EPHA6: variants seen among roughly 807,000 people sequenced by gnomAD.
The protein encoded by EPHA6 is EPH receptor A6.
In EPHA6, 50 loss-of-function variants were observed where a neutral mutation model predicts 112.0. The observed-to-expected ratio is 0.45, with a 90% CI of 0.36 to 0.56. EPHA6 has a LOEUF of 0.56. Among genes scored for constraint, EPHA6 ranks in the 20% least tolerant of loss-of-function variants. The pLI, the probability that EPHA6 is intolerant of heterozygous loss-of-function variation, is 0.00. For missense variants in EPHA6, 1,280 were observed against 1,417.4 expected, an observed-to-expected ratio of 0.90 and a Z score of 1.56; for synonymous variants, 529 against 490.7, an observed-to-expected ratio of 1.08 and a Z score of -1.03.
intron 15 of EPHA6, among the ~76,000 whole-genome samples, chr3:97,732,143 T>C (rs2035063995): frequency 6.6e-6 from 1 of 151,860 alleles, no homozygotes; most frequent in African/African-American, 2.4e-5. Context: ...GCCAAATCAT[T>C]CGTGATCTCA....
At chr3:97,021,714 C>T (rs1052291449) in intron 3 of EPHA6, among the ~76,000 whole-genome samples, 6 of 152,178 alleles carry the variant, frequency 3.9e-5, no homozygotes, top group East Asian at 1.9e-4. Context: ...GACAACAATC[C>T]TATTGGTTTC....
intron 2 of EPHA6, among the ~76,000 whole-genome samples, chr3:96,947,273 G>A (rs533888483): frequency 6.6e-6 from 1 of 152,226 alleles, no homozygotes; most frequent in Non-Finnish European, 1.5e-5. Context: ...TGTCTTGAAT[G>A]GTATTGCCTA....
At chr3:96,894,550 G>C (rs1339916721) in intron 2 of EPHA6, among the ~76,000 whole-genome samples, 1 of 152,000 alleles carries the variant, frequency 6.6e-6, no homozygotes, top group Non-Finnish European at 1.5e-5. Flanking sequence ...CTGGAAGGAT[G>C]ACTGCATGAA....
chr3:97,498,469 C>T (rs1273604483), intron 10 of EPHA6, among the ~76,000 whole-genome samples: 1 of 151,976 alleles, frequency 6.6e-6, no homozygotes, highest in Non-Finnish European at 1.5e-5. Context: ...GGGCCATTAC[C>T]TGACTAAGGA....
intron 3 of EPHA6, among the ~76,000 whole-genome samples, chr3:97,123,342 T>A (rs1194714198): frequency 6.6e-6 from 1 of 152,154 alleles, no homozygotes; most frequent in Non-Finnish European, 1.5e-5. Flanking sequence ...GCCTTTTTTG[T>A]TCATTGTATA....
intron 10 of EPHA6, among the ~76,000 whole-genome samples, chr3:97,521,956 C>T (rs1021997864): frequency 1.3e-5 from 2 of 150,512 alleles, no homozygotes; most frequent in African/African-American, 4.9e-5. Context: ...CAAGGTTTTG[C>T]TCTGTTCCCT....
At chr3:97,005,414 G>A (rs112449918) in intron 3 of EPHA6, among the ~76,000 whole-genome samples, 8,340 of 152,102 alleles carry the variant, frequency 0.055, 282 homozygotes, top group Middle Eastern at 0.12. Context: ...TTGACTCTCC[G>A]CTTGCCTATT....
chr3:97,685,775 G>A (rs1039883298), intron 14 of EPHA6, among the ~76,000 whole-genome samples: 6 of 152,138 alleles, frequency 3.9e-5, no homozygotes, highest in African/African-American at 9.7e-5. Context: ...AACGGCGAAC[G>A]ATGATTACTA....
At chr3:97,072,074 C>T (rs932690251) in intron 3 of EPHA6, among the ~76,000 whole-genome samples, 3 of 151,996 alleles carry the variant, frequency 2.0e-5, no homozygotes, top group African/African-American at 7.2e-5. Flanking sequence ...AGTCATTATA[C>T]AAAAAAGATA....
chr3:97,414,551 A>G (rs1413192751), intron 6 of EPHA6, among the ~76,000 whole-genome samples: 1 of 152,064 alleles, frequency 6.6e-6, no homozygotes, highest in East Asian at 1.9e-4. Flanking sequence ...ATGTATAGTA[A>G]GCTGCTTCAT....
chr3:97,695,514 G>C (rs79985613), intron 14 of EPHA6, among the ~76,000 whole-genome samples: 1 of 152,096 alleles, frequency 6.6e-6, no homozygotes, highest in African/African-American at 2.4e-5. Flanking sequence ...TAAGACCACC[G>C]GTTATGCTAT....
chr3:97,540,242 G>A (rs1346166334), intron 11 of EPHA6, among the ~76,000 whole-genome samples: 2 of 152,098 alleles, frequency 1.3e-5, no homozygotes, highest in East Asian at 1.9e-4. Context: ...AATTTCTAGA[G>A]GCTTGATGGA....
chr3:97,051,384 G>C (rs1393891559), intron 3 of EPHA6, among the ~76,000 whole-genome samples: 1 of 152,044 alleles, frequency 6.6e-6, no homozygotes, highest in South Asian at 2.1e-4. Flanking sequence ...CTTAAGACTT[G>C]ACCCCTGCTG....
intron 6 of EPHA6, among the ~76,000 whole-genome samples, chr3:97,406,451 C>CA (rs1227691265): frequency 1.3e-5 from 2 of 152,088 alleles, no homozygotes; most frequent in Non-Finnish European, 2.9e-5. Context: ...ATATGAAACC[C>CA]ACTCCCATGG....
At chr3:97,523,241 G>T (rs943034683) in intron 10 of EPHA6, among the ~76,000 whole-genome samples, 1 of 151,978 alleles carries the variant, frequency 6.6e-6, no homozygotes, top group Non-Finnish European at 1.5e-5. Context: ...ATTTTCATTT[G>T]TCCGAGGATA....
chr3:97,169,848 A>G (rs901251891), intron 3 of EPHA6, among the ~76,000 whole-genome samples: 1 of 152,136 alleles, frequency 6.6e-6, no homozygotes, highest in Non-Finnish European at 1.5e-5. Flanking sequence ...TTCATATGCA[A>G]TGCAAAATTT....
intron 5 of EPHA6, among the ~76,000 whole-genome samples, chr3:97,302,215 T>C (rs2081122389): frequency 1.3e-5 from 2 of 152,072 alleles, no homozygotes. Flanking sequence ...TTTTTCTCAA[T>C]TGCATATACA....
intron 2 of EPHA6, among the ~76,000 whole-genome samples, chr3:96,932,583 G>A (rs900940914): frequency 2.6e-5 from 4 of 152,182 alleles, no homozygotes; most frequent in Non-Finnish European, 5.9e-5. Flanking sequence ...ACATTAAATT[G>A]CTTTAGTATG....
chr3:97,652,021 C>G (rs894278302), intron 14 of EPHA6, among the ~76,000 whole-genome samples: 1 of 151,904 alleles, frequency 6.6e-6, no homozygotes, highest in Non-Finnish European at 1.5e-5. Context: ...CTAGTAGTCC[C>G]GAGTGTCTAT....
Sources: gnomAD v4.1 joint callset for allele counts (sites outside exome capture counted in the v4.1 genomes callset) on GRCh38, gnomAD v4.1.1 for gene constraint, MANE v1.5 for transcripts, NCBI Gene and HGNC (gene_info 2026-07-23, HGNC 2026-07-21) for gene names.